CNTN1: variants seen among roughly 807,000 people sequenced by gnomAD.
CNTN1 encodes contactin-1.
A neutral mutation model predicts 126.4 loss-of-function variants in CNTN1; 38 were observed. The ratio of observed to expected loss-of-function variants is 0.30; its 90% CI spans 0.23 to 0.39. CNTN1 has a LOEUF of 0.39. Among genes scored for constraint, CNTN1 ranks in the 10% least tolerant of loss-of-function variants. The pLI, the probability that CNTN1 is intolerant of heterozygous loss-of-function variation, is 1.00. For missense variants in CNTN1, 1,009 were observed against 1,248.4 expected, an observed-to-expected ratio of 0.81 and a Z score of 2.89; for synonymous variants, 413 against 422.6, an observed-to-expected ratio of 0.98 and a Z score of 0.28.
intron 14 of CNTN1, among the ~76,000 whole-genome samples, chr12:40,950,441 T>A (rs1267827373): frequency 6.6e-6 from 1 of 152,102 alleles, no homozygotes; most frequent in Non-Finnish European, 1.5e-5. Flanking sequence ...GAGGATGGGT[T>A]TTATGTGCTT....
intron 1 of CNTN1, among the ~76,000 whole-genome samples, chr12:40,860,710 G>A (rs1943086385): frequency 6.6e-6 from 1 of 152,086 alleles, no homozygotes; most frequent in African/African-American, 2.4e-5. Context: ...CTCTCTCTAG[G>A]CATGCCACTC....
intron 1 of CNTN1, among the ~76,000 whole-genome samples, chr12:40,731,105 A>T (rs1423846203): frequency 6.6e-6 from 1 of 152,112 alleles, no homozygotes; most frequent in African/African-American, 2.4e-5. Flanking sequence ...TTTAAATTTA[A>T]AAATTGGGAT....
chr12:40,822,228 C>T (rs1941469447), intron 1 of CNTN1, among the ~76,000 whole-genome samples: 1 of 134,046 alleles, frequency 7.5e-6, no homozygotes, highest in South Asian at 2.5e-4. Flanking sequence ...GATCTCAGCT[C>T]ACTGCAACCC....
At chr12:40,904,267 C>T (rs1944725031) in intron 1 of CNTN1, among the ~76,000 whole-genome samples, 1 of 152,086 alleles carries the variant, frequency 6.6e-6, no homozygotes, top group South Asian at 2.1e-4. Context: ...ATCCGTCCAC[C>T]TTGGCCTCCC....
intron 1 of CNTN1, among the ~76,000 whole-genome samples, chr12:40,760,801 G>A (rs1938830229): frequency 6.7e-6 from 1 of 149,806 alleles, no homozygotes; most frequent in African/African-American, 2.4e-5. Context: ...AAAATAAATA[G>A]TTCATACTTA....
chr12:40,845,926 A>G (rs1942483429), intron 1 of CNTN1, among the ~76,000 whole-genome samples: 1 of 152,228 alleles, frequency 6.6e-6, no homozygotes, highest in African/African-American at 2.4e-5. Context: ...ATGGAAATTA[A>G]ATATTCCCCA....
intron 6 of CNTN1, 73 bp downstream of exon 6, chr12:40,924,725 A>T (rs1281293982): frequency 2.5e-6 from 2 of 788,824 alleles, no homozygotes; most frequent in African/African-American, 3.4e-5. Flanking sequence ...CTTAGTAATA[A>T]TGCTACATTA....
chr12:40,818,051 T>A (rs1257381351), intron 1 of CNTN1, among the ~76,000 whole-genome samples: 3 of 152,194 alleles, frequency 2.0e-5, no homozygotes, highest in Non-Finnish European at 2.9e-5. Flanking sequence ...CTAATGGGCT[T>A]CCCTTTGTAG....
intron 1 of CNTN1, among the ~76,000 whole-genome samples, chr12:40,741,539 G>C (rs916301924): frequency 7.9e-5 from 12 of 151,918 alleles, no homozygotes; most frequent in Non-Finnish European, 1.6e-4. Flanking sequence ...CAAGGCTATT[G>C]GTGTATTTAA....
intron 1 of CNTN1, among the ~76,000 whole-genome samples, chr12:40,766,629 A>G (rs1939110224): frequency 6.6e-6 from 1 of 152,194 alleles, no homozygotes; most frequent in Non-Finnish European, 1.5e-5. Context: ...ATGCACCCCA[A>G]TAGGGTGTTT....
At chr12:40,985,197 C>T (rs34403284) in intron 16 of CNTN1, among the ~76,000 whole-genome samples, 4,219 of 151,864 alleles carry the variant, frequency 0.028, 80 homozygotes, top group Middle Eastern at 0.078. Context: ...TTTTCTTTTT[C>T]ACTGCTTTGA....
chr12:40,764,271 C>A (rs1186136568), intron 1 of CNTN1, among the ~76,000 whole-genome samples: 1 of 152,114 alleles, frequency 6.6e-6, no homozygotes, highest in African/African-American at 2.4e-5. Flanking sequence ...TTATTCAAGA[C>A]TATTGCAGTA....
intron 14 of CNTN1, among the ~76,000 whole-genome samples, chr12:40,950,025 G>T (rs1436663995): frequency 3.9e-5 from 6 of 152,012 alleles, no homozygotes; most frequent in Admixed American, 2.0e-4. Flanking sequence ...GATCGTGGAA[G>T]CCCTGAAGTA....
chr12:40,989,199 A>G (rs1406281384), intron 16 of CNTN1, among the ~76,000 whole-genome samples: 1 of 152,218 alleles, frequency 6.6e-6, no homozygotes, highest in East Asian at 1.9e-4. Context: ...TAAAAAAAGA[A>G]GAAAGAGAAG....
chr12:40,715,070 G>C (rs1265764236), intron 1 of CNTN1, among the ~76,000 whole-genome samples: 3 of 152,142 alleles, frequency 2.0e-5, no homozygotes, highest in African/African-American at 4.8e-5. Flanking sequence ...ATTAAGAACT[G>C]AATTTCGTTT....
rs149953037 is a variant in CNTN1, at chr12:41,023,953, C to T, written c.2524-1197C>T. Among the ~76,000 whole-genome samples the T allele has an allele frequency of 4.0e-3, 607 of 152,214 alleles. 7 individuals carry two copies. The highest frequency in any genetic ancestry group is 0.014 in the African/African-American group (577 of 41,544). On this transcript the variant is annotated intron_variant, in intron 20 of 23. Transcript: ENST00000551295. ...GGAAAGAGGGGAGCTCAGATACAAACGTGCTATTTGTCTTGTTGGCAACCA... is the reference window on the plus strand; with the variant it reads ...GGAAAGAGGGGAGCTCAGATACAAATGTGCTATTTGTCTTGTTGGCAACCA...
At chr12:40,876,598 T>C (rs1192195442) in intron 1 of CNTN1, among the ~76,000 whole-genome samples, 1 of 152,132 alleles carries the variant, frequency 6.6e-6, no homozygotes, top group Non-Finnish European at 1.5e-5. Context: ...AAGGAGAATA[T>C]GTTTAAATAA....
intron 15 of CNTN1, among the ~76,000 whole-genome samples, chr12:40,962,304 G>A (rs1015585892): frequency 6.6e-6 from 1 of 151,942 alleles, no homozygotes; most frequent in African/African-American, 2.4e-5. Flanking sequence ...GGTGGAAAAG[G>A]GTGAGTATAT....
intron 15 of CNTN1, among the ~76,000 whole-genome samples, chr12:40,977,268 C>A (rs537777822): frequency 6.6e-6 from 1 of 151,966 alleles, no homozygotes; most frequent in Non-Finnish European, 1.5e-5. Flanking sequence ...TTGTGGGTGG[C>A]GGAAATCAAG....
Sources: gnomAD v4.1 joint callset for allele counts (sites outside exome capture counted in the v4.1 genomes callset) on GRCh38, gnomAD v4.1.1 for gene constraint, MANE v1.5 for transcripts, NCBI Gene and HGNC (gene_info 2026-07-23, HGNC 2026-07-21) for gene names.